The following NIPA1 variants were observed in gnomAD, a reference collection of about 807,000 sequenced individuals.
The protein encoded by NIPA1 is NIPA magnesium transporter 1.
In NIPA1, 13 loss-of-function variants were observed where a neutral mutation model predicts 23.9. That is an observed-to-expected ratio of 0.54 (90% confidence interval 0.35 to 0.87). The LOEUF (loss-of-function observed/expected upper bound fraction) is 0.87. NIPA1 is among the 40% of genes least tolerant of loss of function. The pLI, the probability that NIPA1 is intolerant of heterozygous loss-of-function variation, is 0.01. For synonymous variants in NIPA1, 234 were observed against 202.9 expected (o/e 1.15, Z -1.30); for missense variants, 362 against 429.7 (o/e 0.84, Z 1.39).
At chr15:22,801,900 GA>G (rs1206080031) in intron 1 of NIPA1, among the ~76,000 whole-genome samples, 1 of 152,124 alleles carries the variant, frequency 6.6e-6, no homozygotes, top group Admixed American at 6.6e-5. Context: ...TAAAGAAATA[GA>G]ATAGAGATAC....
At chr15:22,788,244 G>C in intron 1 of NIPA1, among the ~76,000 whole-genome samples, 1 of 152,236 alleles carries the variant, frequency 6.6e-6, no homozygotes, top group Non-Finnish European at 1.5e-5. Flanking sequence ...GCTGGTGCCT[G>C]TAGTCCCAGC....
intron 4 of NIPA1, among the ~76,000 whole-genome samples, chr15:22,822,173 C>T (rs1011242720): frequency 2.0e-5 from 3 of 152,164 alleles, no homozygotes; most frequent in African/African-American, 7.2e-5. Flanking sequence ...ACAATCCTCC[C>T]TCAATTTACA....
intron 4 of NIPA1, among the ~76,000 whole-genome samples, chr15:22,821,235 G>A (rs1318516503): frequency 6.6e-6 from 1 of 152,140 alleles, no homozygotes; most frequent in Non-Finnish European, 1.5e-5. Context: ...AAAGTGCTGG[G>A]ATTACAGGCG....
intron 1 of NIPA1, among the ~76,000 whole-genome samples, chr15:22,790,564 C>G (rs1894805946): frequency 6.6e-6 from 1 of 151,864 alleles, no homozygotes; most frequent in Non-Finnish European, 1.5e-5. Flanking sequence ...TATAGGCATG[C>G]ACCACCACGC....
chr15:22,800,944 G>GA (rs34332265), intron 1 of NIPA1, among the ~76,000 whole-genome samples: 5 of 142,016 alleles, frequency 3.5e-5, no homozygotes, highest in Non-Finnish European at 6.1e-5. Context: ...AAAAAAAAAA[G>GA]AAAAAAAAAA....
At position 22,795,143 on chromosome 15, in the gene NIPA1, G is replaced by A. The variant is rs147060300; in HGVS notation, c.178+8309G>A. Among the ~76,000 whole-genome samples the A allele has an allele frequency of 2.7e-3, 410 of 152,198 alleles. 1 individual carries two copies. The highest frequency in any genetic ancestry group is 9.2e-3 in the African/African-American group (381 of 41,522). On this transcript the variant is annotated intron_variant, in intron 1 of 4. Coordinates refer to ENST00000337435, the MANE Select transcript of NIPA1 (RefSeq NM_144599.5). ...GTCCTACTAAGCAACAGAATCTAGAGTTACTGCCAGCTCTGATCTTTATCT... is the reference window on the plus strand; with the variant it reads ...GTCCTACTAAGCAACAGAATCTAGAATTACTGCCAGCTCTGATCTTTATCT...
At chr15:22,789,712 A>G (rs1317677755) in intron 1 of NIPA1, among the ~76,000 whole-genome samples, 2 of 152,126 alleles carry the variant, frequency 1.3e-5, no homozygotes, top group Non-Finnish European at 2.9e-5. Flanking sequence ...GACTGCAACA[A>G]CCTCAATTCT....
At chr15:22,798,387 C>T (rs2140854173) in intron 1 of NIPA1, among the ~76,000 whole-genome samples, 1 of 150,194 alleles carries the variant, frequency 6.7e-6, no homozygotes, top group South Asian at 2.1e-4. Flanking sequence ...CTACAGGCGC[C>T]CGCCACCATG....
At chr15:22,801,698 G>A (rs938688308) in intron 1 of NIPA1, among the ~76,000 whole-genome samples, 2 of 151,828 alleles carry the variant, frequency 1.3e-5, no homozygotes, top group African/African-American at 4.8e-5. Context: ...TGTATTTTTA[G>A]TAGAGACGGG....
chr15:22,808,774 A>T (rs1895263816), intron 1 of NIPA1, among the ~76,000 whole-genome samples: 1 of 147,132 alleles, frequency 6.8e-6, no homozygotes, highest in Non-Finnish European at 1.5e-5. Flanking sequence ...GGCTCAAGCG[A>T]TTCTTCTGTC....
chr15:22,796,496 G>T (rs1894940157), intron 1 of NIPA1, among the ~76,000 whole-genome samples: 1 of 150,742 alleles, frequency 6.6e-6, no homozygotes, highest in Non-Finnish European at 1.5e-5. Context: ...TAGAGATAGG[G>T]TCTTGTTATG....
Position 22,824,206 on chromosome 15 carries a change from G to A in NIPA1, c.957G>A (p.Gly319=), listed in dbSNP as rs1244504161. 6.2e-7 allele frequency: 1 copy of A among 1,613,504 alleles called. No individual in the cohort carries two copies. Among genetic ancestry groups the A allele is most frequent in the South Asian group, 1.1e-5 (1 of 91,064 alleles). The change falls in exon 5 of 5, where the codon GGG becomes GGA. Residue 319 remains glycine, a synonymous_variant. Coordinates refer to ENST00000337435, the MANE Select transcript of NIPA1 (RefSeq NM_144599.5). The surrounding 1 kb of genome is among the most constrained non-coding windows in gnomAD (Gnocchi z 4.1). ...QVFKEFNFNL[G]EMNKSNMKTD is the part of the protein sequence containing the mutation. ...TCAAAGAGTTCAATTTCAACCTTGG[G>A]GAGATGAACAAATCTAATATGAAAA... is the stretch of plus-strand genomic sequence containing the variant.
rs541034776 is a variant in NIPA1 at position 22,829,434 on chromosome 15, T to G, written c.*5195T>G. ...AATAATTGCCCCCCACCTTAGTATT[T>G]TTGCACTTTACAGAAATTTAGATAC... On this transcript the variant is annotated 3_prime_UTR_variant, in exon 5 of 5. Transcript: ENST00000337435. 3.3e-5 allele frequency: 5 copies of G among 152,664 alleles called. No individual in the cohort carries two copies. The highest frequency in any genetic ancestry group is 6.5e-5 in the Admixed American group (1 of 15,302). The allele number at this position is 152,664 out of a possible 1,614,324, so 9.5% of individuals were successfully genotyped here. A position where few individuals can be genotyped will look rare whatever the true frequency, so the allele number is the denominator to read the frequency against.
chr15:22,801,416 A>C (rs10400835), intron 1 of NIPA1, among the ~76,000 whole-genome samples: 108,909 of 150,998 alleles, frequency 0.72, 40,395 homozygotes, highest in East Asian at 0.91. Flanking sequence ...AGTGTTGATC[A>C]CTGTGGTGGG....
intron 3 of NIPA1, among the ~76,000 whole-genome samples, chr15:22,819,696 C>A (rs575384191): frequency 6.6e-6 from 1 of 152,062 alleles, no homozygotes; most frequent in Admixed American, 6.5e-5. Context: ...ATTATTTTGA[C>A]AGTTTTTGTA....
intron 3 of NIPA1, among the ~76,000 whole-genome samples, chr15:22,816,848 A>T (rs558559668): frequency 1.3e-5 from 2 of 151,890 alleles, no homozygotes; most frequent in African/African-American, 2.4e-5. Context: ...ATTAGAACTA[A>T]TAAGTTTAGC....
chr15:22,786,436 A>AGCGCCTCACCG (rs1333792201), upstream of NIPA1, among the ~76,000 whole-genome samples: 2 of 134,098 alleles, frequency 1.5e-5, no homozygotes, highest in African/African-American at 5.7e-5. Context: ...CGCCCCACCC[A>AGCGCCTCACCG]GCGCCTCACC....
At chr15:22,821,561 A>G (rs1009143379) in intron 4 of NIPA1, among the ~76,000 whole-genome samples, 77 of 147,786 alleles carry the variant, frequency 5.2e-4, no homozygotes, top group African/African-American at 1.8e-3. Flanking sequence ...GCATGTCCAC[A>G]CTCGCTGGTT....
chr15:22,814,236 T>C (rs1895371423), intron 3 of NIPA1: 1 of 486,730 alleles, frequency 2.1e-6, no homozygotes, highest in South Asian at 2.3e-5. Context: ...AGTGTGCATA[T>C]ATGTATGTAT....
Sources: gnomAD v4.1 joint callset for allele counts (sites outside exome capture counted in the v4.1 genomes callset) on GRCh38, gnomAD v4.1.1 for gene constraint, Gnocchi (gnomAD v3.1) non-coding constraint, MANE v1.5 for transcripts, NCBI Gene and HGNC (gene_info 2026-07-23, HGNC 2026-07-21) for gene names.